Variants in POC5 observed in about 807,000 individuals in gnomAD.
The protein encoded by POC5 is centrosomal protein POC5.
POC5 carries 48 observed loss-of-function variants against 62.9 expected under a neutral mutation model. The observed-to-expected ratio is 0.76, with a 90% CI of 0.61 to 0.97. The LOEUF (loss-of-function observed/expected upper bound fraction) is 0.97, where lower values mean the gene tolerates loss of function less well. Among genes scored for constraint, POC5 ranks in the 50% least tolerant of loss-of-function variants. POC5 has a pLI of 0.00. For synonymous variants in POC5, 236 were observed against 228.2 expected (o/e 1.03, Z -0.31); for missense variants, 696 against 679.5 (o/e 1.02, Z -0.27).
chr5:75,674,220 T>G lies in POC5; in HGVS notation c.*215A>C. On this transcript the variant is annotated 3_prime_UTR_variant, in exon 12 of 12. Coordinates refer to ENST00000428202, the MANE Select transcript of POC5 (RefSeq NM_001099271.2). ...CAGTTTCTTTTTTAATTTAAAAAAGTTTTACTTAATTGCTTAAATAAAAAA... is the reference window on the plus strand; with the variant it reads ...CAGTTTCTTTTTTAATTTAAAAAAGGTTTACTTAATTGCTTAAATAAAAAA... 2.7e-6 allele frequency: 1 copy of G among 364,650 alleles called. No individual in the cohort carries two copies. Among genetic ancestry groups the G allele is most frequent in the Non-Finnish European group, 4.8e-6 (1 of 210,450 alleles). 22.6% of individuals were successfully genotyped at this position (364,650 alleles called of 1,614,324 possible).
intron 7 of POC5, 123 bp downstream of exon 7, chr5:75,692,273 A>T: frequency 1.7e-6 from 1 of 604,464 alleles, no homozygotes. Context: ...CCTTTGAAAT[A>T]AGAGGAACAT....
Position 75,694,835 on chromosome 5 carries a change from A to C in POC5, c.514-4T>G. Reference sequence around the variant, plus strand: ...TTAGTTCAGATATGATGTTTGTCTGAAAAATTAATATAGTGACAATTAAGT... The same window carrying C: ...TTAGTTCAGATATGATGTTTGTCTGCAAAATTAATATAGTGACAATTAAGT... On this transcript the variant is annotated splice_region_variant and splice_polypyrimidine_tract_variant and intron_variant, in intron 5 of 11. Coordinates refer to ENST00000428202, the MANE Select transcript of POC5 (RefSeq NM_001099271.2). 1 of 1,498,082 alleles carries C rather than the reference A, an allele frequency of 6.7e-7. No individual in the cohort carries two copies. The highest frequency in any genetic ancestry group is 9.1e-7 in the Non-Finnish European group (1 of 1,099,026). 92.8% of individuals were successfully genotyped at this position (1,498,082 alleles called of 1,614,324 possible). A position where few individuals can be genotyped will look rare whatever the true frequency, so the allele number is the denominator to read the frequency against.
chr5:75,705,886 G>A, intron 3 of POC5, 99 bp from the exon 4 acceptor site: 1 of 682,472 alleles, frequency 1.5e-6, no homozygotes, highest in South Asian at 2.5e-5. Flanking sequence ...TAATATTTTA[G>A]AACAAACAAA....
At chr5:75,699,291 T>G (rs886770706) in intron 5 of POC5, among the ~76,000 whole-genome samples, 1 of 151,928 alleles carries the variant, frequency 6.6e-6, no homozygotes, top group Non-Finnish European at 1.5e-5. Context: ...ACCAATATCC[T>G]TGATGAACAT....
At chr5:75,686,382 T>C (rs16872768) in intron 9 of POC5, among the ~76,000 whole-genome samples, 65,051 of 151,978 alleles carry the variant, frequency 0.43, 14,281 homozygotes, top group South Asian at 0.55. Flanking sequence ...GTTTTCTATG[T>C]AGTTCTCTTT....
At chr5:75,708,885 T>C (rs1777230470) in intron 2 of POC5, among the ~76,000 whole-genome samples, 1 of 152,094 alleles carries the variant, frequency 6.6e-6, no homozygotes, top group South Asian at 2.1e-4. Context: ...CAGGCTGGAG[T>C]GCAGTGGCAT....
chr5:75,682,805 G>A lies in POC5; in HGVS notation c.1407+2402C>T, dbSNP rs573838748. ...GCTGGGATTACAGGCGTGAGCCACT[G>A]TGCTCGGCCAATGTCTTATTTCTAA... is the stretch of plus-strand genomic sequence containing the variant. On this transcript the variant is annotated intron_variant, in intron 10 of 11. Transcript: ENST00000428202. 3.3e-5 allele frequency among the ~76,000 whole-genome samples: 5 copies of A among 152,276 alleles called. No individual in the cohort carries two copies. The South Asian group carries it at 1.0e-3, about 32-fold the overall frequency.
chr5:75,705,427 T>C lies in POC5; in HGVS notation c.307+277A>G, dbSNP rs17649266. Reference sequence around the variant, plus strand: ...ATAAAAACTTGAATTGGCCAAACTATCTAATATCCCATTAAATCTTTTAAA... The same window carrying C: ...ATAAAAACTTGAATTGGCCAAACTACCTAATATCCCATTAAATCTTTTAAA... On this transcript the variant is annotated intron_variant, in intron 4 of 11. Transcript: ENST00000428202. 39,706 of 227,528 alleles carry C rather than the reference T, an allele frequency of 0.17. 3,790 individuals carry two copies. Among genetic ancestry groups the C allele is most frequent in the South Asian group, 0.21 (1,451 of 6,774 alleles). 14.1% of individuals were successfully genotyped at this position (227,528 alleles called of 1,614,324 possible).
intron 9 of POC5, among the ~76,000 whole-genome samples, chr5:75,686,930 C>T (rs1018574761): frequency 5.3e-5 from 8 of 152,144 alleles, no homozygotes; most frequent in Non-Finnish European, 1.0e-4. Context: ...CTGCAAATTA[C>T]AGACAGCAAA....
chr5:75,704,482 G>C (rs1777041129), intron 4 of POC5, among the ~76,000 whole-genome samples: 1 of 152,138 alleles, frequency 6.6e-6, no homozygotes, highest in Admixed American at 6.6e-5. Context: ...ATAACACAAG[G>C]TCTGGGCTAG....
intron 1 of POC5, 53 bp from the exon 2 acceptor site, chr5:75,713,004 T>C (rs1326934394): frequency 7.7e-7 from 1 of 1,293,050 alleles, no homozygotes; most frequent in Non-Finnish European, 1.1e-6. Flanking sequence ...TAAGATAAAA[T>C]CCTTTCCAGA....
rs1158577066 is a variant in POC5, at chr5:75,700,839, C to A, written c.513+1766G>T. 2.2e-5 allele frequency among the ~76,000 whole-genome samples: 3 copies of A among 139,452 alleles called. 1 individual carries two copies. The highest frequency in any genetic ancestry group is 4.8e-5 in the Non-Finnish European group (3 of 61,930). 91.5% of individuals were successfully genotyped at this position (139,452 alleles called of 152,430 possible). A position where few individuals can be genotyped will look rare whatever the true frequency, so the allele number is the denominator to read the frequency against. On this transcript the variant is annotated intron_variant, in intron 5 of 11. Transcript: ENST00000428202. ...TACTTATCTGACAAAGGGCTAATAT[C>A]CAGAATCTACAATGAACTCAAACAA...
At chr5:75,692,526 T>C (rs1776386676) in intron 6 of POC5, 26 bp from the exon 7 acceptor site, 2 of 1,491,390 alleles carry the variant, frequency 1.3e-6, no homozygotes, top group East Asian at 2.4e-5. Flanking sequence ...AACCCAATTA[T>C]TGTGATATTA....
chr5:75,698,529 G>T (rs1368325899), intron 5 of POC5, among the ~76,000 whole-genome samples: 1 of 151,890 alleles, frequency 6.6e-6, no homozygotes, highest in African/African-American at 2.4e-5. Flanking sequence ...CGAGAACAAA[G>T]ACACATCATA....
At chr5:75,699,903 A>G (rs1033094939) in intron 5 of POC5, among the ~76,000 whole-genome samples, 3 of 151,564 alleles carry the variant, frequency 2.0e-5, no homozygotes, top group African/African-American at 7.3e-5. Flanking sequence ...CAAAAATCAC[A>G]AGCATTCTTA....
At chr5:75,714,873 A>G (rs1031857346) in intron 1 of POC5, among the ~76,000 whole-genome samples, 5 of 152,174 alleles carry the variant, frequency 3.3e-5, no homozygotes, top group Non-Finnish European at 7.4e-5. Flanking sequence ...CACTGGAGGT[A>G]TAAGTTGGAG....
intron 7 of POC5, 29 bp from the exon 8 acceptor site, chr5:75,690,591 AAC>A: frequency 6.7e-7 from 1 of 1,483,382 alleles, no homozygotes; most frequent in Non-Finnish European, 9.1e-7. Context: ...TAACTTCAAA[AAC>A]ACAGTTGATT....
At chr5:75,706,037 A>G (rs1777104944) in intron 3 of POC5, among the ~76,000 whole-genome samples, 1 of 152,240 alleles carries the variant, frequency 6.6e-6, no homozygotes, top group African/African-American at 2.4e-5. Flanking sequence ...GTAGTCTACT[A>G]TAGCATTCAA....
intron 4 of POC5, among the ~76,000 whole-genome samples, chr5:75,703,323 T>G (rs1234368148): frequency 1.3e-5 from 2 of 152,206 alleles, no homozygotes; most frequent in Non-Finnish European, 2.9e-5. Flanking sequence ...ACACTGGGAT[T>G]GGTTTTAATA....
Sources: gnomAD v4.1 joint callset for allele counts (sites outside exome capture counted in the v4.1 genomes callset) on GRCh38, gnomAD v4.1.1 for gene constraint, MANE v1.5 for transcripts, NCBI Gene and HGNC (gene_info 2026-07-23, HGNC 2026-07-21) for gene names.